The following TULP4 variants were observed in gnomAD, a reference collection of about 807,000 sequenced individuals.
TULP4 encodes the protein tubby-related protein 4.
Under a neutral mutation model 129.0 loss-of-function variants are expected in TULP4, and 16 were observed. The observed-to-expected ratio is 0.12, with a 90% CI of 0.08 to 0.19. TULP4 has a LOEUF of 0.19. Among genes scored for constraint, TULP4 ranks in the 10% least tolerant of loss-of-function variants. The pLI is 1.00. For missense variants in TULP4, 1,842 were observed against 2,059.1 expected (o/e 0.89, Z 2.04); for synonymous variants, 998 against 854.0 (o/e 1.17, Z -2.94).
intron 1 of TULP4, among the ~76,000 whole-genome samples, chr6:158,322,206 G>C (rs1779655508): frequency 6.6e-6 from 1 of 152,240 alleles, no homozygotes; most frequent in African/African-American, 2.4e-5. Flanking sequence ...ACTCACTGCA[G>C]CTCTTTTATC....
At chr6:158,381,554 A>G (rs1047953178) in intron 1 of TULP4, among the ~76,000 whole-genome samples, 37 of 152,328 alleles carry the variant, frequency 2.4e-4, no homozygotes, top group African/African-American at 8.9e-4. Flanking sequence ...TGGAGAATTC[A>G]TTATGGACCC....
intron 1 of TULP4, among the ~76,000 whole-genome samples, chr6:158,404,221 TC>T (rs1436721602): frequency 1.3e-5 from 2 of 152,174 alleles, no homozygotes; most frequent in Admixed American, 1.3e-4. Flanking sequence ...AGATTTTTCT[TC>T]CTAGCAGCAT....
chr6:158,492,155 G>C (rs1780226734), intron 9 of TULP4, among the ~76,000 whole-genome samples: 1 of 152,206 alleles, frequency 6.6e-6, no homozygotes, highest in Admixed American at 6.5e-5. Flanking sequence ...ACCGCACCCA[G>C]CCAAGAGTTC....
chr6:158,450,707 CT>C (rs1436593895), intron 4 of TULP4, among the ~76,000 whole-genome samples: 1 of 151,430 alleles, frequency 6.6e-6, no homozygotes, highest in Non-Finnish European at 1.5e-5. Context: ...TAGAACTCCT[CT>C]TTAGTGGGTC....
intron 6 of TULP4, among the ~76,000 whole-genome samples, chr6:158,468,413 A>C (rs1405388053): frequency 1.5e-4 from 23 of 152,158 alleles, no homozygotes; most frequent in Admixed American, 1.5e-3. Flanking sequence ...TTCTATAACT[A>C]TCTCTAATAT....
At chr6:158,331,730 T>TATATAC (rs1375083724) in intron 1 of TULP4, among the ~76,000 whole-genome samples, 12,431 of 24,306 alleles carry the variant, frequency 0.51, 4,545 homozygotes, top group East Asian at 0.74. Context: ...CACACACACA[T>TATATAC]ACGTATATAT....
At chr6:158,395,496 G>A (rs1020092362) in intron 1 of TULP4, among the ~76,000 whole-genome samples, 4 of 151,584 alleles carry the variant, frequency 2.6e-5, no homozygotes, top group East Asian at 1.9e-4. Context: ...CAGGAGAATC[G>A]CTTGAACCTG....
chr6:158,243,846 A>AGG (rs1554273467), intron 1 of TULP4, among the ~76,000 whole-genome samples: 15 of 85,748 alleles, frequency 1.7e-4, no homozygotes, highest in Admixed American at 9.4e-4. Flanking sequence ...TAGCTGAAAT[A>AGG]GGTGTGTGTG....
chr6:158,331,256 C>T (rs1779871040), intron 1 of TULP4, among the ~76,000 whole-genome samples: 1 of 152,114 alleles, frequency 6.6e-6, no homozygotes, highest in African/African-American at 2.4e-5. Flanking sequence ...TTTCCAATTC[C>T]ACTACTCCCT....
chr6:158,365,069 C>G (rs1271197309), intron 1 of TULP4, among the ~76,000 whole-genome samples: 3 of 151,846 alleles, frequency 2.0e-5, no homozygotes, highest in African/African-American at 7.3e-5. Context: ...CTGCTTGGCA[C>G]TCATTGCGAG....
At chr6:158,362,376 GTC>G (rs1780813001) in intron 1 of TULP4, among the ~76,000 whole-genome samples, 1 of 151,588 alleles carries the variant, frequency 6.6e-6, no homozygotes, top group African/African-American at 2.4e-5. Flanking sequence ...AACAGATGAG[GTC>G]TCTCTCTGTT....
At chr6:158,308,986 ACC>A (rs1250770854), upstream of TULP4, among the ~76,000 whole-genome samples, 1 of 111,386 alleles carries the variant, frequency 9.0e-6, no homozygotes, top group African/African-American at 3.7e-5. Flanking sequence ...CAGGGGGCTG[ACC>A]CCCCCACCTC....
chr6:158,288,199 C>T (rs1583706424), intron 1 of TULP4, among the ~76,000 whole-genome samples: 1 of 152,094 alleles, frequency 6.6e-6, no homozygotes, highest in East Asian at 1.9e-4. Context: ...ATGAAATCAC[C>T]TTTAATAATT....
At chr6:158,491,275 G>C (rs1489962372) in intron 9 of TULP4, among the ~76,000 whole-genome samples, 1 of 152,108 alleles carries the variant, frequency 6.6e-6, no homozygotes, top group Non-Finnish European at 1.5e-5. Context: ...CTCCAGTGAT[G>C]GATGCTGCTT....
rs540975475 is a variant in TULP4, at chr6:158,413,118, G to C, written c.306G>C (p.Ala102=). The change falls in exon 2 of 14, where the codon GCG becomes GCC. Residue 102 remains alanine (A), a synonymous_variant. Transcript: ENST00000367097. This position sits in a 1 kb window ranked among gnomAD's most constrained non-coding sequence, Gnocchi z 4.9. ...EPYQKLATCD[A]DGGIFVWIQY... is the part of the protein sequence containing the mutation. ...ACCAGAAACTGGCCACGTGCGATGCGGACGGAGGCATATTCGTGTGGATTC... is the reference window on the plus strand; with the variant it reads ...ACCAGAAACTGGCCACGTGCGATGCCGACGGAGGCATATTCGTGTGGATTC... 4.3e-6 allele frequency: 7 copies of C among 1,613,810 alleles called. No homozygotes were observed. The highest frequency in any genetic ancestry group is 5.9e-6 in the Non-Finnish European group (7 of 1,179,888).
intron 3 of TULP4, among the ~76,000 whole-genome samples, chr6:158,442,063 C>A (rs1056821083): frequency 2.0e-5 from 3 of 152,166 alleles, no homozygotes; most frequent in African/African-American, 7.2e-5. Context: ...CCCTCATTCT[C>A]CCTACTGCAG....
At chr6:158,397,013 G>A (rs907043888) in intron 1 of TULP4, among the ~76,000 whole-genome samples, 7 of 152,186 alleles carry the variant, frequency 4.6e-5, no homozygotes, top group Admixed American at 1.3e-4. Flanking sequence ...AAGGTGAGAA[G>A]GTTTGCTCAG....
chr6:158,266,753 T>C (rs577106028), intron 1 of TULP4, among the ~76,000 whole-genome samples: 7 of 152,342 alleles, frequency 4.6e-5, no homozygotes, highest in Admixed American at 2.0e-4. Context: ...TATGTGCAAA[T>C]AATATGCCAT....
chr6:158,448,964 A>C, intron 3 of TULP4, 32 bp from the exon 4 acceptor site: 1 of 1,573,136 alleles, frequency 6.4e-7, no homozygotes, highest in Non-Finnish European at 8.7e-7. Flanking sequence ...CCTTGCTGCC[A>C]CTTGGTCAGA....
Sources: gnomAD v4.1 joint callset for allele counts (sites outside exome capture counted in the v4.1 genomes callset) on GRCh38, gnomAD v4.1.1 for gene constraint, Gnocchi (gnomAD v3.1) non-coding constraint, MANE v1.5 for transcripts, NCBI Gene and HGNC (gene_info 2026-07-23, HGNC 2026-07-21) for gene names.